Variants in WWOX observed in about 807,000 individuals in gnomAD.
WWOX encodes WW domain-containing oxidoreductase.
WWOX carries 69 observed loss-of-function variants against 46.2 expected under a neutral mutation model. That is an observed-to-expected ratio of 1.49 (90% CI 1.23 to 1.82). The LOEUF (loss-of-function observed/expected upper bound fraction) is 1.82. Ranked by LOEUF, WWOX falls within the 40% of genes most tolerant of loss-of-function variation. WWOX has a pLI of 0.00. For synonymous variants in WWOX, 359 were observed against 202.6 expected (o/e 1.77, Z -6.56); for missense variants, 919 against 542.6 (o/e 1.69, Z -6.89).
rs1199309440 is a variant in WWOX, at chr16:78,887,518, C to CACACACACACACACACAT, written c.1057-324089_1057-324088insCACACACACACACACATA. Among the ~76,000 whole-genome samples the CACACACACACACACACAT allele has an allele frequency of 1.4e-4, 21 of 147,456 alleles. 1 individual carries two copies. Among genetic ancestry groups the CACACACACACACACACAT allele is most frequent in the African/African-American group, 5.3e-4 (21 of 39,392 alleles). ...ACACACACACACACACACACACACA[C>CACACACACACACACACAT]AAGAAATGACTACAGACACCTCAAC... is the stretch of plus-strand genomic sequence containing the variant. On this transcript the variant is annotated intron_variant, in intron 8 of 8. Transcript: ENST00000566780.
chr16:79,071,800 G>C (rs1480093264), intron 8 of WWOX, among the ~76,000 whole-genome samples: 2 of 152,226 alleles, frequency 1.3e-5, no homozygotes, highest in African/African-American at 2.4e-5. Context: ...AGTTAAACCA[G>C]ATTCTGCCTA....
At chr16:78,192,707 T>C (rs536560793) in intron 5 of WWOX, among the ~76,000 whole-genome samples, 2 of 152,312 alleles carry the variant, frequency 1.3e-5, no homozygotes, top group Admixed American at 1.3e-4. Context: ...GTGGATATAG[T>C]CTCTTCCTTG....
At chr16:78,927,460 A>T (rs1416511469) in intron 8 of WWOX, among the ~76,000 whole-genome samples, 1 of 152,078 alleles carries the variant, frequency 6.6e-6, no homozygotes, top group Non-Finnish European at 1.5e-5. Flanking sequence ...CTGTGGGTAA[A>T]AGTTCTCTTT....
intron 8 of WWOX, among the ~76,000 whole-genome samples, chr16:79,088,343 A>G (rs2048891207): frequency 6.6e-6 from 1 of 152,166 alleles, no homozygotes; most frequent in African/African-American, 2.4e-5. Context: ...AAATCCATGT[A>G]GCGGCAGGAA....
chr16:78,808,119 A>T (rs1187061714), intron 8 of WWOX, among the ~76,000 whole-genome samples: 1 of 151,864 alleles, frequency 6.6e-6, no homozygotes, highest in East Asian at 1.9e-4. Context: ...AGCAACCAGG[A>T]CTCCCTGTAG....
chr16:78,533,079 C>G (rs1057304257), intron 8 of WWOX, among the ~76,000 whole-genome samples: 6 of 152,088 alleles, frequency 3.9e-5, no homozygotes, highest in African/African-American at 1.2e-4. Context: ...TGGGAGTATC[C>G]TAGCCTCAGT....
chr16:78,673,188 G>C (rs1263991794), intron 8 of WWOX, among the ~76,000 whole-genome samples: 2 of 152,184 alleles, frequency 1.3e-5, no homozygotes, highest in Non-Finnish European at 2.9e-5. Flanking sequence ...CCTGTGAGGT[G>C]AGATCAGTAG....
intron 8 of WWOX, among the ~76,000 whole-genome samples, chr16:78,592,219 TTTTG>T (rs1247200744): frequency 6.6e-6 from 1 of 152,232 alleles, no homozygotes; most frequent in South Asian, 2.1e-4. Context: ...TTGTTTTATT[TTTTG>T]TTTGTTTGTT....
intron 6 of WWOX, among the ~76,000 whole-genome samples, chr16:78,388,143 G>C (rs2082098388): frequency 6.6e-6 from 1 of 152,164 alleles, no homozygotes; most frequent in Non-Finnish European, 1.5e-5. Context: ...TGATTTTCCT[G>C]TCCCAGCCTC....
At chr16:78,164,435 A>G (rs2034906736) in intron 5 of WWOX, 146 bp downstream of exon 5, 1 of 775,476 alleles carries the variant, frequency 1.3e-6, no homozygotes, top group South Asian at 1.6e-5. Flanking sequence ...TGTTTGTCTT[A>G]TGAATGAAAG....
chr16:78,929,601 G>C (rs748993400), intron 8 of WWOX, among the ~76,000 whole-genome samples: 1 of 152,166 alleles, frequency 6.6e-6, no homozygotes, highest in Non-Finnish European at 1.5e-5. Context: ...TGGACAAGGA[G>C]GGCGGGATAA....
chr16:78,822,138 A>C (rs868278002), intron 8 of WWOX, among the ~76,000 whole-genome samples: 20 of 152,076 alleles, frequency 1.3e-4, no homozygotes, highest in African/African-American at 3.1e-4. Flanking sequence ...GGCCTCCCAA[A>C]GTGCTGGGAT....
At chr16:78,853,849 T>G (rs1206666195) in intron 8 of WWOX, among the ~76,000 whole-genome samples, 1 of 152,138 alleles carries the variant, frequency 6.6e-6, no homozygotes, top group Non-Finnish European at 1.5e-5. Flanking sequence ...CAATAGATCT[T>G]CAGGTAAAAT....
intron 8 of WWOX, among the ~76,000 whole-genome samples, chr16:79,186,692 C>G (rs140951698): frequency 6.6e-6 from 1 of 152,100 alleles, no homozygotes; most frequent in Non-Finnish European, 1.5e-5. Context: ...GTAATCATCT[C>G]ACTCCTGTAA....
At chr16:78,691,432 C>T (rs937017094) in intron 8 of WWOX, 11 of 625,206 alleles carry the variant, frequency 1.8e-5, no homozygotes, top group Non-Finnish European at 2.6e-5. Flanking sequence ...CATGGTGGTT[C>T]ACACCTGTAA....
intron 8 of WWOX, chr16:78,525,169 TTTTG>T (rs1220721493): frequency 2.8e-5 from 4 of 142,438 alleles, no homozygotes; most frequent in African/African-American, 5.2e-5. Flanking sequence ...CCCAGCCAAA[TTTTG>T]TTTTTCTTTT....
intron 8 of WWOX, among the ~76,000 whole-genome samples, chr16:78,943,051 C>G (rs564437471): frequency 6.6e-6 from 1 of 152,280 alleles, no homozygotes; most frequent in South Asian, 2.1e-4. Context: ...CTTCTGCTTC[C>G]TGTTTTGTTA....
At chr16:79,147,052 C>A (rs1326563395) in intron 8 of WWOX, among the ~76,000 whole-genome samples, 2 of 152,318 alleles carry the variant, frequency 1.3e-5, no homozygotes, top group South Asian at 4.1e-4. Flanking sequence ...TTGACACTTA[C>A]AGAATCTATG....
chr16:78,665,837 A>G (rs969914544), intron 8 of WWOX, among the ~76,000 whole-genome samples: 2 of 152,132 alleles, frequency 1.3e-5, no homozygotes, highest in Admixed American at 1.3e-4. Context: ...GGCATGCACC[A>G]CCATGCCCGG....
Sources: gnomAD v4.1 joint callset for allele counts (sites outside exome capture counted in the v4.1 genomes callset) on GRCh38, gnomAD v4.1.1 for gene constraint, MANE v1.5 for transcripts, NCBI Gene and HGNC (gene_info 2026-07-23, HGNC 2026-07-21) for gene names.